ZBTB20: variants seen among roughly 807,000 people sequenced by gnomAD.
The protein encoded by ZBTB20 is zinc finger and BTB domain-containing protein 20.
In ZBTB20, 9 loss-of-function variants were observed where a neutral mutation model predicts 56.9. The observed-to-expected ratio is 0.16, with a 90% CI of 0.10 to 0.28. The LOEUF (loss-of-function observed/expected upper bound fraction) is 0.28, where lower values mean the gene tolerates loss of function less well. Among genes scored for constraint, ZBTB20 ranks in the 10% least tolerant of loss-of-function variants. The pLI is 1.00. For synonymous variants in ZBTB20, 417 were observed against 420.7 expected (o/e 0.99, Z 0.11); for missense variants, 655 against 1,003.0 (o/e 0.65, Z 4.69).
At chr3:114,790,333 C>A (rs1578880400) in intron 5 of ZBTB20, among the ~76,000 whole-genome samples, 1 of 151,542 alleles carries the variant, frequency 6.6e-6, no homozygotes, top group South Asian at 2.1e-4. Context: ...TTTTTTGTTC[C>A]CAACTCTGTG....
At chr3:114,621,686 C>T (rs773764894) in intron 6 of ZBTB20, among the ~76,000 whole-genome samples, 13 of 152,110 alleles carry the variant, frequency 8.5e-5, no homozygotes, top group East Asian at 3.9e-4. Flanking sequence ...AAAATATGCA[C>T]GCAAGAAAAT....
chr3:114,635,731 T>C (rs886261638), intron 6 of ZBTB20, among the ~76,000 whole-genome samples: 2 of 151,700 alleles, frequency 1.3e-5, no homozygotes, highest in Non-Finnish European at 2.9e-5. Flanking sequence ...TAAAGACAGA[T>C]CATTTGAAAT....
intron 7 of ZBTB20, among the ~76,000 whole-genome samples, chr3:114,434,734 T>C (rs1559785039): frequency 6.6e-6 from 1 of 152,116 alleles, no homozygotes; most frequent in Non-Finnish European, 1.5e-5. Context: ...TCAAACACAG[T>C]ATTTGAGACT....
At chr3:114,847,576 G>T (rs1348215334) in intron 4 of ZBTB20, among the ~76,000 whole-genome samples, 1 of 152,110 alleles carries the variant, frequency 6.6e-6, no homozygotes, top group African/African-American at 2.4e-5. Flanking sequence ...CCTTTTCGTG[G>T]GACCAGTGAA....
chr3:114,825,992 A>G (rs1330657655), intron 4 of ZBTB20, among the ~76,000 whole-genome samples: 1 of 151,782 alleles, frequency 6.6e-6, no homozygotes, highest in Admixed American at 6.6e-5. Flanking sequence ...ATGTTGAGGA[A>G]TAGCAAAGTA....
intron 7 of ZBTB20, among the ~76,000 whole-genome samples, chr3:114,461,023 C>G (rs1676407947): frequency 6.6e-6 from 1 of 152,188 alleles, no homozygotes; most frequent in African/African-American, 2.4e-5. Context: ...GCAGATCCAT[C>G]TAATCACATT....
At chr3:114,810,496 G>A (rs1455522542) in intron 4 of ZBTB20, among the ~76,000 whole-genome samples, 3 of 152,214 alleles carry the variant, frequency 2.0e-5, no homozygotes, top group Admixed American at 6.5e-5. Flanking sequence ...GGGTTTTCAT[G>A]ACTTGTCCTG....
At chr3:114,550,965 T>G (rs1399105308) in intron 6 of ZBTB20, among the ~76,000 whole-genome samples, 7 of 152,046 alleles carry the variant, frequency 4.6e-5, no homozygotes, top group Non-Finnish European at 1.0e-4. Flanking sequence ...TGGCCAGGCT[T>G]GTGTTGAACT....
At chr3:114,506,196 A>C (rs2044593274) in intron 6 of ZBTB20, among the ~76,000 whole-genome samples, 1 of 152,154 alleles carries the variant, frequency 6.6e-6, no homozygotes. Context: ...ACAATAAGAG[A>C]ATGATACTGA....
chr3:114,334,585 G>C lies in ZBTB20; in HGVS notation c.*4420C>G, dbSNP rs181438999. 2 of 152,244 alleles carry C rather than the reference G, an allele frequency of 1.3e-5. No individual in the cohort carries two copies. Among genetic ancestry groups the C allele is most frequent in the Admixed American group, 6.5e-5 (1 of 15,290 alleles). The allele number at this position is 152,244 out of a possible 1,614,324, so 9.4% of individuals were successfully genotyped here. A position where few individuals can be genotyped will look rare whatever the true frequency, so the allele number is the denominator to read the frequency against. On this transcript the variant is annotated 3_prime_UTR_variant, in exon 12 of 12. Coordinates refer to ENST00000675478, the MANE Select transcript of ZBTB20 (RefSeq NM_001348800.3). ...TTCTTACTGTTCATGGGTTGAAAAA[G>C]AGTATTTGGGACCTTATAGAATATT...
chr3:114,999,718 C>T (rs749185886), intron 2 of ZBTB20, among the ~76,000 whole-genome samples: 1 of 151,488 alleles, frequency 6.6e-6, no homozygotes, highest in Admixed American at 6.6e-5. Flanking sequence ...AAAAGAGTTT[C>T]AAGCTACATT....
intron 2 of ZBTB20, among the ~76,000 whole-genome samples, chr3:114,977,958 C>A (rs1576472822): frequency 1.3e-5 from 2 of 148,778 alleles, no homozygotes. Context: ...CTACAGTGAA[C>A]CATGATCCTG....
At chr3:114,435,581 G>C (rs1021345319) in intron 7 of ZBTB20, among the ~76,000 whole-genome samples, 1 of 152,082 alleles carries the variant, frequency 6.6e-6, no homozygotes, top group Non-Finnish European at 1.5e-5. Context: ...AATCAGTGTT[G>C]GGGGAATTCT....
intron 4 of ZBTB20, among the ~76,000 whole-genome samples, chr3:114,866,847 T>C (rs1227520216): frequency 6.6e-6 from 1 of 152,186 alleles, no homozygotes; most frequent in African/African-American, 2.4e-5. Context: ...TACGTTGGAC[T>C]AACGCAATTG....
chr3:115,037,648 A>G (rs1300234169), intron 2 of ZBTB20, among the ~76,000 whole-genome samples: 4 of 152,204 alleles, frequency 2.6e-5, no homozygotes, highest in African/African-American at 4.8e-5. Flanking sequence ...TGGTGATTTA[A>G]AATAAAAATC....
chr3:115,133,033 T>C (rs1347513456), intron 1 of ZBTB20, among the ~76,000 whole-genome samples: 2 of 152,188 alleles, frequency 1.3e-5, no homozygotes, highest in Admixed American at 1.3e-4. Flanking sequence ...TTTTTTACTA[T>C]ATAATCTTTA....
chr3:114,479,947 A>G (rs901254679), intron 7 of ZBTB20, among the ~76,000 whole-genome samples: 1 of 152,246 alleles, frequency 6.6e-6, no homozygotes, highest in Non-Finnish European at 1.5e-5. Flanking sequence ...GCTCAGGGTT[A>G]GCAGCATTTC....
chr3:114,382,145 C>G (rs1320971911), intron 8 of ZBTB20, among the ~76,000 whole-genome samples: 1 of 152,224 alleles, frequency 6.6e-6, no homozygotes, highest in Non-Finnish European at 1.5e-5. Flanking sequence ...ACACCTTCCT[C>G]TGCCTTAAAG....
At chr3:114,962,855 T>C (rs889028623) in intron 3 of ZBTB20, among the ~76,000 whole-genome samples, 2 of 152,076 alleles carry the variant, frequency 1.3e-5, no homozygotes, top group South Asian at 4.1e-4. Flanking sequence ...TTAAACTCCA[T>C]ATTAGTTTAA....
Sources: allele counts gnomAD v4.1 joint callset (sites outside exome capture counted in the v4.1 genomes callset), GRCh38; gene constraint gnomAD v4.1.1; transcripts MANE v1.5; gene names NCBI Gene and HGNC (gene_info 2026-07-23, HGNC 2026-07-21).